Variants in RAB38 observed in about 807,000 individuals in gnomAD.
RAB38 encodes ras-related protein Rab-38.
In RAB38, 15 loss-of-function variants were observed where a neutral mutation model predicts 18.4. The observed-to-expected ratio is 0.82, with a 90% CI of 0.55 to 1.26. RAB38 has a LOEUF of 1.26. RAB38 is among the 50% of genes most tolerant of loss of function. The pLI is 0.00. For synonymous variants in RAB38, 101 were observed against 104.4 expected (o/e 0.97, Z 0.20); for missense variants, 294 against 267.4 (o/e 1.10, Z -0.69).
At chr11:88,127,175 G>A (rs1297900967) in intron 2 of RAB38, among the ~76,000 whole-genome samples, 1 of 152,138 alleles carries the variant, frequency 6.6e-6, no homozygotes, top group Non-Finnish European at 1.5e-5. Flanking sequence ...AGTGTGCCTT[G>A]TGTTCAAATT....
chr11:87,923,070 A>G, the RAB38 span, among the ~76,000 whole-genome samples: 1 of 151,998 alleles, frequency 6.6e-6, no homozygotes, highest in Non-Finnish European at 1.5e-5. Flanking sequence ...CCTGTATATA[A>G]CAACAACTGA....
the RAB38 span, among the ~76,000 whole-genome samples, chr11:87,908,635 A>G: frequency 6.6e-6 from 1 of 151,974 alleles, no homozygotes; most frequent in South Asian, 2.1e-4. Context: ...TCACACATCA[A>G]TTTGCAGGTT....
the RAB38 span, among the ~76,000 whole-genome samples, chr11:88,084,646 T>C: frequency 6.6e-6 from 1 of 151,882 alleles, no homozygotes; most frequent in East Asian, 1.9e-4. Flanking sequence ...TGGATCCTTC[T>C]CTGACTCTTT....
chr11:87,959,378 A>C, the RAB38 span, among the ~76,000 whole-genome samples: 1 of 152,184 alleles, frequency 6.6e-6, no homozygotes, highest in Non-Finnish European at 1.5e-5. Context: ...TCAAAGAAGA[A>C]ATAATCTTCT....
the RAB38 span, among the ~76,000 whole-genome samples, chr11:87,818,043 T>C: frequency 6.6e-6 from 1 of 152,154 alleles, no homozygotes; most frequent in Admixed American, 6.5e-5. Flanking sequence ...TACAAAATCT[T>C]TTGTCCCATA....
At chr11:87,948,402 G>A in the RAB38 span, among the ~76,000 whole-genome samples, 32 of 151,962 alleles carry the variant, frequency 2.1e-4, no homozygotes, top group African/African-American at 7.5e-4. Flanking sequence ...TCTCCTGCCT[G>A]ATTGCCCTGG....
At chr11:88,126,392 C>G (rs1310711204) in intron 2 of RAB38, among the ~76,000 whole-genome samples, 2 of 152,124 alleles carry the variant, frequency 1.3e-5, no homozygotes, top group Non-Finnish European at 2.9e-5. Flanking sequence ...GAGTTCATGT[C>G]CTTTGTAGGG....
At chr11:87,969,088 G>T in the RAB38 span, among the ~76,000 whole-genome samples, 1 of 152,060 alleles carries the variant, frequency 6.6e-6, no homozygotes, top group African/African-American at 2.4e-5. Context: ...ACTCACTCTT[G>T]ATCTTTTTCC....
the RAB38 span, among the ~76,000 whole-genome samples, chr11:88,011,764 G>C: frequency 6.6e-6 from 1 of 151,998 alleles, no homozygotes; most frequent in Admixed American, 6.6e-5. Context: ...TCATCCACAG[G>C]GTAGAAAATT....
the RAB38 span, among the ~76,000 whole-genome samples, chr11:88,051,148 A>T: frequency 1.3e-5 from 2 of 152,150 alleles, no homozygotes; most frequent in Non-Finnish European, 2.9e-5. Context: ...TCTGTACCCA[A>T]GAAATGTGCC....
chr11:87,825,201 T>A, the RAB38 span, among the ~76,000 whole-genome samples: 2 of 152,088 alleles, frequency 1.3e-5, no homozygotes, highest in African/African-American at 4.8e-5. Context: ...ACATGCATTA[T>A]CTCCTGTGCA....
chr11:87,857,968 G>T, the RAB38 span, among the ~76,000 whole-genome samples: 1 of 152,054 alleles, frequency 6.6e-6, no homozygotes, highest in East Asian at 1.9e-4. Context: ...TATTGCCTAG[G>T]TTTTCTTCTA....
the RAB38 span, among the ~76,000 whole-genome samples, chr11:87,839,589 C>T: frequency 1.3e-5 from 2 of 152,188 alleles, no homozygotes; most frequent in East Asian, 3.9e-4. Context: ...ATTTAAGTTA[C>T]TTTGTAACAC....
downstream of RAB38, among the ~76,000 whole-genome samples, chr11:88,108,960 T>C (rs1284704793): frequency 6.6e-6 from 1 of 152,216 alleles, no homozygotes; most frequent in Non-Finnish European, 1.5e-5. Flanking sequence ...TGTTGAGTAT[T>C]GGCCCCTACT....
chr11:87,878,222 T>TATATACAC, the RAB38 span, among the ~76,000 whole-genome samples: 495 of 116,200 alleles, frequency 4.3e-3, 67 homozygotes, highest in African/African-American at 0.02. Flanking sequence ...TATATATATA[T>TATATACAC]ACACACATAT....
chr11:87,840,283 CT>C, the RAB38 span, among the ~76,000 whole-genome samples: 1 of 152,134 alleles, frequency 6.6e-6, no homozygotes, highest in Non-Finnish European at 1.5e-5. Context: ...AATAAATCCC[CT>C]ATTTGCTTCA....
chr11:87,913,468 C>T, the RAB38 span, among the ~76,000 whole-genome samples: 2 of 152,060 alleles, frequency 1.3e-5, no homozygotes, highest in East Asian at 3.9e-4. Flanking sequence ...CCCTCTATAT[C>T]TTTGGTAATG....
intron 2 of RAB38, among the ~76,000 whole-genome samples, chr11:88,115,247 A>C (rs35899763): frequency 0.086 from 12,548 of 145,164 alleles, 941 homozygotes; most frequent in African/African-American, 0.21. Context: ...GTATTTCTTC[A>C]TACTTAAAGA....
At chr11:88,109,352 C>T (rs1300144330), downstream of RAB38, among the ~76,000 whole-genome samples, 2 of 152,148 alleles carry the variant, frequency 1.3e-5, no homozygotes, top group East Asian at 1.9e-4. Flanking sequence ...CTTCCTTACA[C>T]CTTACACAAA....
Sources: allele counts gnomAD v4.1 joint callset (sites outside exome capture counted in the v4.1 genomes callset), GRCh38; gene constraint gnomAD v4.1.1; transcripts MANE v1.5; gene names NCBI Gene and HGNC (gene_info 2026-07-23, HGNC 2026-07-21).